Variants in GPATCH2L observed in about 807,000 individuals in gnomAD.
The protein encoded by GPATCH2L is G patch domain-containing protein 2-like.
Under a neutral mutation model 57.4 loss-of-function variants are expected in GPATCH2L, and 31 were observed. The observed-to-expected ratio is 0.54, with a 90% CI of 0.41 to 0.73. The LOEUF (loss-of-function observed/expected upper bound fraction) is 0.73. Ranked by LOEUF, GPATCH2L falls within the 30% of genes least tolerant of loss-of-function variation. The probability of loss-of-function intolerance (pLI) is 0.00; values close to 1 mark genes in which losing one functional copy is unlikely to be tolerated. For missense variants in GPATCH2L, 481 were observed against 599.9 expected (o/e 0.80, Z 2.07); for synonymous variants, 199 against 210.7 (o/e 0.94, Z 0.48).
chr14:76,182,849 C>T (rs961598024), intron 8 of GPATCH2L, among the ~76,000 whole-genome samples: 4 of 152,082 alleles, frequency 2.6e-5, no homozygotes, highest in African/African-American at 7.2e-5. Context: ...AATGTCAAGG[C>T]TCAGGGAGAT....
At chr14:76,159,164 A>C (rs1245342204) in intron 2 of GPATCH2L, among the ~76,000 whole-genome samples, 1 of 152,166 alleles carries the variant, frequency 6.6e-6, no homozygotes, top group Non-Finnish European at 1.5e-5. Context: ...AGAAGGTTGA[A>C]CTGAAGGCTT....
intron 8 of GPATCH2L, among the ~76,000 whole-genome samples, chr14:76,193,337 A>G (rs2040042939): frequency 1.3e-5 from 2 of 152,106 alleles, no homozygotes; most frequent in Non-Finnish European, 2.9e-5. Flanking sequence ...ACATATATCA[A>G]ACACGCAAAA....
At chr14:76,172,099 C>G in intron 4 of GPATCH2L, 80 bp downstream of exon 4, 4 of 856,394 alleles carry the variant, frequency 4.7e-6, no homozygotes, top group Non-Finnish European at 7.1e-6. Flanking sequence ...CAAGCATACT[C>G]ATGCCTTCAA....
intron 3 of GPATCH2L, 86 bp from the exon 4 acceptor site, chr14:76,171,757 T>C (rs2039096049): frequency 1.3e-6 from 1 of 761,044 alleles, no homozygotes; most frequent in African/African-American, 1.8e-5. Context: ...TGATCAAAAC[T>C]ATGGCACTAA....
intron 1 of GPATCH2L, among the ~76,000 whole-genome samples, chr14:76,227,597 AAC>A (rs2040541475): frequency 6.6e-6 from 1 of 152,236 alleles, no homozygotes; most frequent in African/African-American, 2.4e-5. Context: ...TGAATTGCGT[AAC>A]ACGAAATGAA....
downstream of GPATCH2L, chr14:76,214,382 A>T (rs543975052): frequency 4.6e-4 from 70 of 152,272 alleles, no homozygotes; most frequent in African/African-American, 1.6e-3. Flanking sequence ...CTAACTGGTT[A>T]TTGCTCTCTA....
At chr14:76,188,981 T>G (rs1258004366) in intron 8 of GPATCH2L, among the ~76,000 whole-genome samples, 1 of 152,154 alleles carries the variant, frequency 6.6e-6, no homozygotes, top group Non-Finnish European at 1.5e-5. Context: ...CAGTATATGT[T>G]CTTGGCACCT....
Position 76,154,655 on chromosome 14 carries a change from C to T in GPATCH2L, c.292C>T (p.Pro98Ser). 6.2e-7 allele frequency: 1 copy of T among 1,614,220 alleles called. No homozygotes were observed. The highest frequency in any genetic ancestry group is 8.5e-7 in the Non-Finnish European group (1 of 1,180,052). ...SDDTMVAKRH[P>S]ALNAIVKSKQ... Reference sequence around the variant, plus strand: ...TGACACAATGGTAGCCAAACGACACCCAGCTCTCAATGCCATTGTCAAGAG... The same window carrying T: ...TGACACAATGGTAGCCAAACGACACTCAGCTCTCAATGCCATTGTCAAGAG... The change falls in exon 2 of 10, where the codon CCA becomes TCA. Residue 98 changes from proline (P) to serine (S), a missense_variant. Pro to Ser is a moderately conservative substitution (Grantham distance 74). Coordinates refer to ENST00000261530, the MANE Select transcript of GPATCH2L (RefSeq NM_017926.4). The surrounding 1 kb of genome is among the most constrained non-coding windows in gnomAD (Gnocchi z 4.4).
At chr14:76,160,176 C>T (rs1226824927) in intron 2 of GPATCH2L, among the ~76,000 whole-genome samples, 1 of 152,060 alleles carries the variant, frequency 6.6e-6, no homozygotes, top group Non-Finnish European at 1.5e-5. Context: ...GAATGATGCT[C>T]AATGGGAAGA....
chr14:76,188,258 G>A (rs1196153710), intron 8 of GPATCH2L, among the ~76,000 whole-genome samples: 2 of 152,014 alleles, frequency 1.3e-5, no homozygotes, highest in East Asian at 3.8e-4. Context: ...TGGATCATAT[G>A]GTAGCTCTAT....
intron 4 of GPATCH2L, 118 bp from the exon 5 acceptor site, chr14:76,173,428 G>A: frequency 3.2e-6 from 2 of 624,386 alleles, no homozygotes; most frequent in East Asian, 5.2e-5. Context: ...GCTCTGTGAT[G>A]CTAGTTTAAA....
At chr14:76,167,806 G>A (rs1277367543) in intron 3 of GPATCH2L, among the ~76,000 whole-genome samples, 1 of 152,160 alleles carries the variant, frequency 6.6e-6, no homozygotes, top group East Asian at 1.9e-4. Context: ...TACCAGGAAA[G>A]TCTGATGAGT....
intron 2 of GPATCH2L, among the ~76,000 whole-genome samples, chr14:76,166,433 T>C (rs2038840801): frequency 6.6e-6 from 1 of 152,252 alleles, no homozygotes. Flanking sequence ...AAAGTGACTT[T>C]AGATTTTTTT....
At chr14:76,219,151 A>G (rs2040502738), downstream of GPATCH2L, among the ~76,000 whole-genome samples, 1 of 152,152 alleles carries the variant, frequency 6.6e-6, no homozygotes, top group Non-Finnish European at 1.5e-5. Context: ...TGGCAGTAGC[A>G]CCATAAGCAA....
chr14:76,166,632 T>G, intron 2 of GPATCH2L, 31 bp from the exon 3 acceptor site: 1 of 1,501,432 alleles, frequency 6.7e-7, no homozygotes, highest in Non-Finnish European at 9.3e-7. Flanking sequence ...CTGGAGCTGA[T>G]GAGTTCTCTT....
intron 8 of GPATCH2L, among the ~76,000 whole-genome samples, chr14:76,195,137 AG>A (rs2040106869): frequency 6.6e-6 from 1 of 152,136 alleles, no homozygotes; most frequent in Non-Finnish European, 1.5e-5. Flanking sequence ...CTAGTTTGAG[AG>A]GGACAAAATC....
chr14:76,224,682 T>G (rs1006743451), intron 1 of GPATCH2L, among the ~76,000 whole-genome samples: 2 of 152,170 alleles, frequency 1.3e-5, no homozygotes, highest in Admixed American at 1.3e-4. Context: ...TCTTAACCAT[T>G]GCAATAAGGC....
chr14:76,166,875 T>G, intron 3 of GPATCH2L, 148 bp downstream of exon 3: 1 of 661,692 alleles, frequency 1.5e-6, no homozygotes. Context: ...AGGGAACTGT[T>G]AAAACTGCAC....
At chr14:76,181,414 C>T (rs1339157118) in intron 8 of GPATCH2L, among the ~76,000 whole-genome samples, 2 of 152,230 alleles carry the variant, frequency 1.3e-5, no homozygotes, top group South Asian at 4.1e-4. Context: ...TAAGGGGCCA[C>T]CTCCAGCACT....
Sources: allele counts gnomAD v4.1 joint callset (sites outside exome capture counted in the v4.1 genomes callset), GRCh38; gene constraint gnomAD v4.1.1; non-coding constraint Gnocchi (gnomAD v3.1); transcripts MANE v1.5; gene names NCBI Gene and HGNC (gene_info 2026-07-23, HGNC 2026-07-21).